KIDINS220: variants seen among roughly 807,000 people sequenced by gnomAD.
KIDINS220 encodes kinase D-interacting substrate of 220 kDa.
A neutral mutation model predicts 157.6 loss-of-function variants in KIDINS220; 63 were observed. The observed-to-expected ratio is 0.40, with a 90% CI of 0.33 to 0.49. The LOEUF (loss-of-function observed/expected upper bound fraction) is 0.49. Ranked by LOEUF, KIDINS220 falls within the 20% of genes least tolerant of loss-of-function variation. The pLI, the probability that KIDINS220 is intolerant of heterozygous loss-of-function variation, is 0.66. For missense variants in KIDINS220, 1,772 were observed against 2,171.2 expected (o/e 0.82, Z 3.65); for synonymous variants, 732 against 783.6 (o/e 0.93, Z 1.10).
intron 4 of KIDINS220, among the ~76,000 whole-genome samples, chr2:8,814,730 G>C (rs1676812522): frequency 6.6e-6 from 1 of 152,168 alleles, no homozygotes; most frequent in Non-Finnish European, 1.5e-5. Flanking sequence ...CAAATATTTA[G>C]TAATTACAAA....
chr2:8,813,603 T>C (rs982655542), intron 4 of KIDINS220, among the ~76,000 whole-genome samples: 3 of 152,218 alleles, frequency 2.0e-5, no homozygotes, highest in Non-Finnish European at 4.4e-5. Flanking sequence ...TCTTCCAAAC[T>C]TCTAAGATTT....
chr2:8,833,130 C>T (rs527746662), intron 1 of KIDINS220, among the ~76,000 whole-genome samples: 9 of 152,294 alleles, frequency 5.9e-5, no homozygotes, highest in Admixed American at 5.9e-4. Context: ...TACCATGCTG[C>T]TGAACACTAC....
chr2:8,726,551 G>A (rs1454148520), downstream of KIDINS220, among the ~76,000 whole-genome samples: 2 of 152,210 alleles, frequency 1.3e-5, no homozygotes, highest in Non-Finnish European at 2.9e-5. Context: ...ATCAGTTGAC[G>A]ACAGGGGTAC....
At chr2:8,780,499 C>T (rs1671538525) in intron 17 of KIDINS220, among the ~76,000 whole-genome samples, 1 of 141,398 alleles carries the variant, frequency 7.1e-6, no homozygotes, top group Admixed American at 7.4e-5. Context: ...ATTACGTAAG[C>T]TTATATATGT....
chr2:8,799,407 G>A (rs886784376), intron 9 of KIDINS220, among the ~76,000 whole-genome samples: 2 of 151,898 alleles, frequency 1.3e-5, no homozygotes, highest in Non-Finnish European at 2.9e-5. Flanking sequence ...AAAGTGCTGG[G>A]ATTACAGGCA....
chr2:8,740,206 C>T (rs1665432163), intron 26 of KIDINS220: 2 of 977,834 alleles, frequency 2.0e-6, no homozygotes, highest in Non-Finnish European at 2.4e-6. Flanking sequence ...GAATAAAACA[C>T]AGTGAAGGAC....
chr2:8,736,995 G>A lies in KIDINS220; in HGVS notation c.3590C>T (p.Ser1197Leu), dbSNP rs766111507. Residue 1197 changes from serine to leucine, a missense_variant, in exon 27 of 30, where the codon TCA (serine) becomes TTA (leucine). Ser to Leu is a moderately radical substitution (Grantham distance 145, BLOSUM62 -2). Around this residue, in one of 3 missense-constraint regions of KIDINS220, gnomAD observed 793 missense variants for 885.5 expected, o/e 0.90. Transcript: ENST00000256707. ...TACCACTGGGCCTGGGGCTGGGCCTGACCCCTAGAGAAGTCAAGGAAAAAT... is the reference window on the plus strand; with the variant it reads ...TACCACTGGGCCTGGGGCTGGGCCTAACCCCTAGAGAAGTCAAGGAAAAAT... ...LSSPTDSSRG[S>L]GPAPGPVVLL... 2.5e-6 allele frequency: 4 copies of A among 1,613,864 alleles called. No individual in the cohort carries two copies. The highest frequency in any genetic ancestry group is 1.3e-5 in the African/African-American group (1 of 74,892).
At chr2:8,769,559 A>G (rs1669910678) in intron 22 of KIDINS220, among the ~76,000 whole-genome samples, 1 of 152,228 alleles carries the variant, frequency 6.6e-6, no homozygotes, top group South Asian at 2.1e-4. Flanking sequence ...GTATAAATAT[A>G]ACATGCGAAA....
In KIDINS220 at chr2:8,798,195, T is replaced by C; in HGVS notation, c.999+7A>G. ...TGCTGCTAACAGAATAGAAATGCCA[T>C]TTATACCTTTGTGCATATTTCAGTG... On this transcript the variant is annotated splice_region_variant and intron_variant, in intron 10 of 29. Transcript: ENST00000256707. 1 of 1,543,406 alleles carries C rather than the reference T, an allele frequency of 6.5e-7. No individual in the cohort carries two copies. Among genetic ancestry groups the C allele is most frequent in the Non-Finnish European group, 9.0e-7 (1 of 1,116,062 alleles).
chr2:8,828,256 A>C (rs1353433034), intron 1 of KIDINS220, among the ~76,000 whole-genome samples: 1 of 152,184 alleles, frequency 6.6e-6, no homozygotes, highest in Non-Finnish European at 1.5e-5. Flanking sequence ...TCTCTTCCAC[A>C]GGACATGCAC....
intron 26 of KIDINS220, among the ~76,000 whole-genome samples, chr2:8,744,442 A>ATG (rs1666265336): frequency 9.2e-6 from 1 of 108,990 alleles, no homozygotes; most frequent in Non-Finnish European, 1.8e-5. Context: ...ATATATATAT[A>ATG]TATGGGATCA....
intron 27 of KIDINS220, among the ~76,000 whole-genome samples, chr2:8,736,168 A>C (rs150710340): frequency 4.7e-4 from 72 of 152,360 alleles, no homozygotes; most frequent in Non-Finnish European, 8.7e-4. Flanking sequence ...GTATATAAAT[A>C]TTAGAGGCTG....
At chr2:8,748,051 G>T in intron 24 of KIDINS220, 51 bp from the exon 25 acceptor site, 1 of 1,059,514 alleles carries the variant, frequency 9.4e-7, no homozygotes, top group Non-Finnish European at 1.3e-6. Flanking sequence ...AGAAATGAAA[G>T]TGTAATGAGA....
chr2:8,818,045 T>C (rs1257356135), intron 3 of KIDINS220, among the ~76,000 whole-genome samples: 1 of 152,214 alleles, frequency 6.6e-6, no homozygotes, highest in African/African-American at 2.4e-5. Context: ...ACCATTACTG[T>C]AATATAAATT....
chr2:8,798,838 G>T (rs1226322814), intron 9 of KIDINS220, among the ~76,000 whole-genome samples: 1 of 152,094 alleles, frequency 6.6e-6, no homozygotes, highest in Non-Finnish European at 1.5e-5. Flanking sequence ...CACAGACCTT[G>T]AAAGTAGAGC....
chr2:8,767,590 G>T (rs1158181228), intron 22 of KIDINS220, among the ~76,000 whole-genome samples: 1 of 152,010 alleles, frequency 6.6e-6, no homozygotes, highest in African/African-American at 2.4e-5. Context: ...AATAATCCAG[G>T]CCAAATGATG....
intron 24 of KIDINS220, 101 bp downstream of exon 24, chr2:8,750,011 G>T: frequency 3.2e-6 from 3 of 933,130 alleles, no homozygotes; most frequent in Non-Finnish European, 3.2e-6. Context: ...CTATGCTAAA[G>T]CCAAAGTACA....
At chr2:8,771,464 A>G (rs1439778530) in intron 21 of KIDINS220, among the ~76,000 whole-genome samples, 3 of 152,192 alleles carry the variant, frequency 2.0e-5, no homozygotes, top group Admixed American at 1.3e-4. Context: ...GTACATGTAG[A>G]CAGTCGCAAT....
chr2:8,797,046 G>T (rs1304172164), intron 10 of KIDINS220, among the ~76,000 whole-genome samples, 177 bp from the exon 11 acceptor site: 2 of 152,178 alleles, frequency 1.3e-5, no homozygotes, highest in African/African-American at 4.8e-5. Flanking sequence ...CCACTCATTT[G>T]TATCAAAGTG....
Sources: gnomAD v4.1 joint callset for allele counts (sites outside exome capture counted in the v4.1 genomes callset) on GRCh38, gnomAD v4.1.1 for gene constraint, gnomAD v4.1.1 regional missense constraint, MANE v1.5 for transcripts, NCBI Gene and HGNC (gene_info 2026-07-23, HGNC 2026-07-21) for gene names.